The following SUMF1 variants were observed in gnomAD, a reference collection of about 807,000 sequenced individuals.
The protein encoded by SUMF1 is sulfatase modifying factor 1.
SUMF1 carries 48 observed loss-of-function variants against 47.6 expected under a neutral mutation model. That is an observed-to-expected ratio of 1.01 (90% CI 0.80 to 1.28). The LOEUF (loss-of-function observed/expected upper bound fraction) is 1.28, where lower values mean the gene tolerates loss of function less well. Among genes scored for constraint, SUMF1 ranks in the 50% most tolerant of loss-of-function variants. The pLI is 0.00. For missense variants in SUMF1, 571 were observed against 485.4 expected, an observed-to-expected ratio of 1.18 and a Z score of -1.66; for synonymous variants, 230 against 192.1, an observed-to-expected ratio of 1.20 and a Z score of -1.63.
chr3:4,173,945 T>C (rs1178162516), intron 8 of SUMF1, among the ~76,000 whole-genome samples: 2 of 152,066 alleles, frequency 1.3e-5, no homozygotes, highest in African/African-American at 4.8e-5. Flanking sequence ...GGTTGATGGG[T>C]GTGGCAAACC....
chr3:4,176,470 T>C (rs1412834592), intron 8 of SUMF1, among the ~76,000 whole-genome samples: 1 of 152,084 alleles, frequency 6.6e-6, no homozygotes, highest in Non-Finnish European at 1.5e-5. Context: ...ATAAAATCCT[T>C]TACAGAAAAG....
rs564494400 is a variant in SUMF1, at chr3:4,208,697, G to A, written c.1015-139952C>T. Reference sequence around the variant, plus strand: ...AGTAGAAATGAAGAACGTCTTTAATGGGCTCATTAGTAGACTGGACGTGAC... The same window carrying A: ...AGTAGAAATGAAGAACGTCTTTAATAGGCTCATTAGTAGACTGGACGTGAC... On this transcript the variant is annotated intron_variant and NMD_transcript_variant, in intron 8 of 12. Coordinates refer to the SUMF1 transcript ENST00000448413. 2.6e-5 allele frequency among the ~76,000 whole-genome samples: 4 copies of A among 152,086 alleles called. No homozygotes were observed. The South Asian group carries it at 8.3e-4, about 32-fold the overall frequency.
intron 9 of SUMF1, among the ~76,000 whole-genome samples, chr3:4,045,910 G>A (rs184627427): frequency 1.6e-3 from 238 of 152,250 alleles, no homozygotes; most frequent in African/African-American, 5.6e-3. Flanking sequence ...CCCGAGCTGG[G>A]CACACTGGCT....
At chr3:4,288,821 A>G (rs1008746364) in intron 8 of SUMF1, among the ~76,000 whole-genome samples, 10 of 151,330 alleles carry the variant, frequency 6.6e-5, no homozygotes, top group Non-Finnish European at 1.2e-4. Context: ...AAAAAAATTG[A>G]ACCTACAAAG....
intron 8 of SUMF1, among the ~76,000 whole-genome samples, chr3:4,319,215 A>C (rs752817561): frequency 6.6e-6 from 1 of 152,224 alleles, no homozygotes; most frequent in Non-Finnish European, 1.5e-5. Flanking sequence ...TAAAAGAGCT[A>C]GGCATAGCCT....
chr3:4,214,070 T>C (rs1695861994), intron 8 of SUMF1, among the ~76,000 whole-genome samples: 2 of 152,140 alleles, frequency 1.3e-5, no homozygotes, highest in Admixed American at 1.3e-4. Flanking sequence ...CTAATAGATA[T>C]CTACAGAACT....
intron 8 of SUMF1, among the ~76,000 whole-genome samples, chr3:4,362,949 G>T (rs2633854): frequency 0.61 from 93,226 of 151,906 alleles, 29,094 homozygotes; most frequent in East Asian, 0.76. Context: ...AATGAAAAAG[G>T]CAGAATATAA....
At chr3:4,036,835 T>C (rs1271879443) in intron 9 of SUMF1, among the ~76,000 whole-genome samples, 1 of 122,028 alleles carries the variant, frequency 8.2e-6, no homozygotes, top group Non-Finnish European at 1.6e-5. Flanking sequence ...GCAGATCTGC[T>C]GAGGTCAGTG....
In SUMF1 at chr3:4,036,933, C is replaced by T. The variant is rs560336316; in HGVS notation, c.1191+31636G>A. ...GAACTAGGTGGAGATACTGAGGGAA[C>T]CAACACACTGTTCTGAACACTTTGG... On this transcript the variant is annotated intron_variant and NMD_transcript_variant, in intron 9 of 12. Coordinates refer to the SUMF1 transcript ENST00000448413. Among the ~76,000 whole-genome samples the T allele has an allele frequency of 5.4e-5, 8 of 147,670 alleles. No individual in the cohort carries two copies. The South Asian group carries it at 1.7e-3, about 31-fold the overall frequency.
chr3:4,247,589 C>A (rs1037994899), intron 8 of SUMF1, among the ~76,000 whole-genome samples: 1 of 151,580 alleles, frequency 6.6e-6, no homozygotes, highest in South Asian at 2.1e-4. Flanking sequence ...GTAGTGCTAG[C>A]GGGGGAAGAA....
At position 4,239,426 on chromosome 3, in the gene SUMF1, T is replaced by A. The variant is rs1332357444; in HGVS notation, c.1014+136904A>T. Among the ~76,000 whole-genome samples, 5 of 152,200 alleles carry A rather than the reference T, an allele frequency of 3.3e-5. No homozygotes were observed. The South Asian group carries it at 1.0e-3, about 31-fold the overall frequency. On this transcript the variant is annotated intron_variant and NMD_transcript_variant, in intron 8 of 12. Coordinates refer to the SUMF1 transcript ENST00000448413. ...CATAAGCATGGAATGTTTTCCCATTTGTTTGTGTTCTCTCTTATTTTCTTG... is the reference window on the plus strand; with the variant it reads ...CATAAGCATGGAATGTTTTCCCATTAGTTTGTGTTCTCTCTTATTTTCTTG...
intron 8 of SUMF1, among the ~76,000 whole-genome samples, chr3:4,226,264 CTTTTTTT>C (rs869300368): frequency 1.0e-4 from 9 of 86,986 alleles, no homozygotes; most frequent in Non-Finnish European, 1.9e-4. Flanking sequence ...TTTTTTGTTT[CTTTTTTT>C]TTTTTTTTTT....
intron 9 of SUMF1, among the ~76,000 whole-genome samples, chr3:4,065,257 A>G (rs1287269581): frequency 2.6e-5 from 4 of 152,078 alleles, no homozygotes; most frequent in Admixed American, 6.6e-5. Context: ...CAGAGAAGCA[A>G]TTACCTCTCC....
At chr3:4,210,820 C>A (rs116249021) in intron 8 of SUMF1, among the ~76,000 whole-genome samples, 4 of 151,732 alleles carry the variant, frequency 2.6e-5, no homozygotes, top group African/African-American at 9.7e-5. Context: ...ACATTTGTGT[C>A]GCTGGGCTGG....
chr3:4,213,910 C>T (rs1574984738), intron 8 of SUMF1, among the ~76,000 whole-genome samples: 1 of 152,118 alleles, frequency 6.6e-6, no homozygotes, highest in East Asian at 1.9e-4. Flanking sequence ...ATTCATAAAG[C>T]AAGTTCTTAG....
intron 8 of SUMF1, among the ~76,000 whole-genome samples, chr3:4,304,976 G>A (rs73026628): frequency 0.037 from 5,656 of 151,676 alleles, 152 homozygotes; most frequent in Non-Finnish European, 0.057. Flanking sequence ...AAGTGGTGGG[G>A]GGGGCTTCCA....
rs868472022 is a variant in SUMF1 at position 4,388,105 on chromosome 3, T to C, written c.955-11716A>G. ...TCCTTTGGTTGATGGTATTGTTGAG[T>C]TCTTCTATATCCTTGCTGAACTTCT... On this transcript the variant is annotated intron_variant, in intron 7 of 8. Coordinates refer to ENST00000272902, the MANE Select transcript of SUMF1 (RefSeq NM_182760.4). 9.2e-5 allele frequency among the ~76,000 whole-genome samples: 14 copies of C among 152,152 alleles called. 1 individual carries two copies. In the South Asian group the frequency reaches 1.2e-3, roughly 14 times the overall value.
intron 8 of SUMF1, among the ~76,000 whole-genome samples, chr3:4,248,752 A>C (rs917161920): frequency 6.6e-6 from 1 of 152,212 alleles, no homozygotes; most frequent in Non-Finnish European, 1.5e-5. Context: ...TGGGGTGGCT[A>C]TTGAAGAAAA....
downstream of SUMF1, among the ~76,000 whole-genome samples, chr3:4,357,642 C>T (rs112630455): frequency 8.6e-4 from 131 of 151,548 alleles, no homozygotes; most frequent in African/African-American, 3.1e-3. Context: ...GAGTTTCGCT[C>T]TTGTCACCCA....
Sources: gnomAD v4.1 joint callset for allele counts (sites outside exome capture counted in the v4.1 genomes callset) on GRCh38, gnomAD v4.1.1 for gene constraint, MANE v1.5 for transcripts, NCBI Gene and HGNC (gene_info 2026-07-23, HGNC 2026-07-21) for gene names.